The following SLIT3 variants were observed in gnomAD, a reference collection of about 807,000 sequenced individuals.
SLIT3 encodes slit homolog 3 protein.
Under a neutral mutation model 184.0 loss-of-function variants are expected in SLIT3, and 68 were observed. That is an observed-to-expected ratio of 0.37 (90% CI 0.30 to 0.45). SLIT3 has a LOEUF of 0.45. Among genes scored for constraint, SLIT3 ranks in the 20% least tolerant of loss-of-function variants. The pLI, the probability that SLIT3 is intolerant of heterozygous loss-of-function variation, is 1.00. For synonymous variants in SLIT3, 831 were observed against 828.6 expected (o/e 1.00, Z -0.05); for missense variants, 1,707 against 2,026.0 (o/e 0.84, Z 3.02).
chr5:169,259,338 C>T (rs774242694), intron 1 of SLIT3, among the ~76,000 whole-genome samples: 6 of 152,228 alleles, frequency 3.9e-5, no homozygotes, highest in South Asian at 4.1e-4. Flanking sequence ...GGATTACAGG[C>T]GTGAGCCATG....
intron 4 of SLIT3, among the ~76,000 whole-genome samples, chr5:169,100,075 T>C (rs1359460064): frequency 6.6e-6 from 1 of 152,178 alleles, no homozygotes; most frequent in Non-Finnish European, 1.5e-5. Context: ...CAAGCCTCTC[T>C]CTGGCACTGC....
chr5:169,102,595 C>A (rs1760061100), intron 4 of SLIT3, among the ~76,000 whole-genome samples: 1 of 152,020 alleles, frequency 6.6e-6, no homozygotes, highest in South Asian at 2.1e-4. Flanking sequence ...TTCCCAAATA[C>A]TTTTGATCTG....
intron 13 of SLIT3, 50 bp from the exon 14 acceptor site, chr5:168,772,994 T>C (rs1211161782): frequency 1.3e-6 from 2 of 1,529,748 alleles, no homozygotes; most frequent in Non-Finnish European, 1.8e-6. Context: ...GGCGTCTTGC[T>C]CCACCACCAC....
chr5:168,976,362 G>GT (rs1038514318), intron 4 of SLIT3, among the ~76,000 whole-genome samples: 10 of 152,276 alleles, frequency 6.6e-5, no homozygotes, highest in Admixed American at 5.9e-4. Flanking sequence ...CAATTTTCAG[G>GT]TGGGTGTGTA....
intron 4 of SLIT3, among the ~76,000 whole-genome samples, chr5:169,044,593 G>C (rs556849188): frequency 2.0e-5 from 3 of 151,422 alleles, no homozygotes; most frequent in Admixed American, 1.3e-4. Context: ...AAGGTGGGGG[G>C]GGGGATGGGG....
At chr5:168,692,737 A>G (rs771308024) in intron 28 of SLIT3, 37 bp from the exon 29 acceptor site, 1 of 1,508,438 alleles carries the variant, frequency 6.6e-7, no homozygotes, top group Non-Finnish European at 9.2e-7. Context: ...GGCCTCAGGC[A>G]GGGTAGGGAT....
intron 9 of SLIT3, among the ~76,000 whole-genome samples, chr5:168,803,285 C>G (rs974047055): frequency 7.2e-5 from 11 of 152,192 alleles, no homozygotes; most frequent in African/African-American, 1.9e-4. Flanking sequence ...AGTCCAAAAA[C>G]TGAAAGGATG....
intron 4 of SLIT3, among the ~76,000 whole-genome samples, chr5:169,158,086 A>G (rs1213542197): frequency 6.6e-6 from 1 of 152,102 alleles, no homozygotes; most frequent in Non-Finnish European, 1.5e-5. Context: ...AGACATTTCT[A>G]AATTTGGAAA....
At chr5:169,064,377 T>C (rs889312711) in intron 4 of SLIT3, among the ~76,000 whole-genome samples, 3 of 152,226 alleles carry the variant, frequency 2.0e-5, no homozygotes, top group African/African-American at 2.4e-5. Context: ...GGCGGTCACA[T>C]TGGTGAATGC....
intron 4 of SLIT3, among the ~76,000 whole-genome samples, chr5:168,887,017 G>A (rs963579841): frequency 5.7e-5 from 7 of 123,080 alleles, no homozygotes; most frequent in African/African-American, 1.9e-4. Context: ...AACTTTCTTC[G>A]CAAATTTATT....
chr5:169,243,573 T>C (rs1765477861), intron 3 of SLIT3, among the ~76,000 whole-genome samples: 1 of 152,196 alleles, frequency 6.6e-6, no homozygotes, highest in African/African-American at 2.4e-5. Context: ...AGCATTTTTC[T>C]GGGTAATACT....
intron 4 of SLIT3, among the ~76,000 whole-genome samples, chr5:169,154,992 G>C (rs1762252695): frequency 6.6e-6 from 1 of 152,112 alleles, no homozygotes; most frequent in African/African-American, 2.4e-5. Flanking sequence ...TCAACAGAAG[G>C]AATCATCTAA....
intron 4 of SLIT3, among the ~76,000 whole-genome samples, chr5:168,994,762 C>T (rs1755454618): frequency 6.7e-6 from 1 of 150,010 alleles, no homozygotes; most frequent in African/African-American, 2.5e-5. Flanking sequence ...TCTCCCGCCT[C>T]AGCCTCCTAT....
Position 169,056,899 on chromosome 5 carries a change from A to C in SLIT3, c.413+136580T>G, listed in dbSNP as rs10079232. ...CATGTTCTTCTTGACTATGCCCCCC[A>C]CAAGCTGTGTGACCTTGCTGGGTCT... On this transcript the variant is annotated intron_variant, in intron 4 of 35. Coordinates refer to ENST00000519560, the MANE Select transcript of SLIT3 (RefSeq NM_003062.4). Among the ~76,000 whole-genome samples, 412 of 152,322 alleles carry C rather than the reference A, an allele frequency of 2.7e-3. 1 individual carries two copies. The highest frequency in any genetic ancestry group is 9.6e-3 in the African/African-American group (399 of 41,568).
intron 4 of SLIT3, among the ~76,000 whole-genome samples, chr5:169,127,132 C>T (rs893258538): frequency 9.9e-5 from 15 of 152,144 alleles, no homozygotes; most frequent in African/African-American, 2.9e-4. Context: ...CTCTCACACT[C>T]AGTCATCATC....
chr5:168,975,590 G>T (rs1754726385), intron 4 of SLIT3, among the ~76,000 whole-genome samples: 1 of 152,094 alleles, frequency 6.6e-6, no homozygotes, highest in South Asian at 2.1e-4. Flanking sequence ...CCCACAGGAT[G>T]CAGGCTCACG....
Position 168,774,287 on chromosome 5 carries a change from G to T in SLIT3, c.1243C>A (p.Leu415Met). The T allele has an allele frequency of 2.5e-6, 4 of 1,614,114 alleles. No individual in the cohort carries two copies. The highest frequency in any genetic ancestry group is 3.4e-6 in the Non-Finnish European group (4 of 1,179,984). Residue 415 changes from leucine (L) to methionine (M), a missense_variant, in exon 13 of 36, where the codon CTG (leucine) becomes ATG (methionine). By Grantham distance (15) the Leu-to-Met change is conservative. Coordinates refer to ENST00000519560, the MANE Select transcript of SLIT3 (RefSeq NM_003062.4). ...AAGAGCCCCTTGCTGATGGTCTGCA[G>T]CTTGTTGTCATACAGGGAGAGCAAG... is the stretch of plus-strand genomic sequence containing the variant. ...LNLLSLYDNKLQTISKGLFAP... is the reference protein window; with the variant it reads ...LNLLSLYDNKMQTISKGLFAP...
chr5:168,909,940 C>T, intron 4 of SLIT3, among the ~76,000 whole-genome samples: 1 of 152,202 alleles, frequency 6.6e-6, no homozygotes, highest in East Asian at 1.9e-4. Flanking sequence ...AGAAGCCCAC[C>T]TTCCTTTTTG....
At chr5:169,143,230 A>G (rs1205203143) in intron 4 of SLIT3, among the ~76,000 whole-genome samples, 24 of 152,224 alleles carry the variant, frequency 1.6e-4, no homozygotes, top group Non-Finnish European at 1.2e-4. Context: ...CAGTAATAAC[A>G]ATGTAATTGT....
Sources: gnomAD v4.1 joint callset for allele counts (sites outside exome capture counted in the v4.1 genomes callset) on GRCh38, gnomAD v4.1.1 for gene constraint, MANE v1.5 for transcripts, NCBI Gene and HGNC (gene_info 2026-07-23, HGNC 2026-07-21) for gene names.